The following MARK1 variants were observed in gnomAD, a reference collection of about 807,000 sequenced individuals.
MARK1 encodes serine/threonine-protein kinase MARK1.
A neutral mutation model predicts 96.3 loss-of-function variants in MARK1; 40 were observed. The observed-to-expected ratio is 0.42, with a 90% CI of 0.32 to 0.54. The LOEUF is 0.54. Among genes scored for constraint, MARK1 ranks in the 20% least tolerant of loss-of-function variants. The pLI, the probability that MARK1 is intolerant of heterozygous loss-of-function variation, is 0.16. For missense variants in MARK1, 719 were observed against 984.6 expected (o/e 0.73, Z 3.61); for synonymous variants, 317 against 341.2 (o/e 0.93, Z 0.78).
At chr1:220,585,415 A>G (rs1449750208) in intron 3 of MARK1, among the ~76,000 whole-genome samples, 6 of 152,232 alleles carry the variant, frequency 3.9e-5, no homozygotes, top group East Asian at 1.9e-4. Context: ...AAATATCAAC[A>G]GTTTAAATGT....
intron 3 of MARK1, among the ~76,000 whole-genome samples, chr1:220,594,982 G>A (rs754413439): frequency 5.9e-5 from 9 of 152,290 alleles, no homozygotes; most frequent in Non-Finnish European, 1.3e-4. Flanking sequence ...AGTAGCAAGA[G>A]TGAACAGTAA....
At chr1:220,614,056 G>A (rs1272790175) in intron 6 of MARK1, among the ~76,000 whole-genome samples, 1 of 152,056 alleles carries the variant, frequency 6.6e-6, no homozygotes, top group Non-Finnish European at 1.5e-5. Context: ...TATCCAGGTT[G>A]GTGTGCAGTG....
At chr1:220,656,743 A>T (rs1220976682) in intron 16 of MARK1, among the ~76,000 whole-genome samples, 1 of 152,224 alleles carries the variant, frequency 6.6e-6, no homozygotes, top group African/African-American at 2.4e-5. Context: ...ATTACATTTG[A>T]ATGTGAGAAT....
intron 1 of MARK1, among the ~76,000 whole-genome samples, chr1:220,546,655 G>T (rs936132907): frequency 2.0e-5 from 3 of 152,180 alleles, no homozygotes; most frequent in African/African-American, 7.2e-5. Flanking sequence ...TAAAGATAGT[G>T]TCCAGCCTGC....
chr1:220,617,979 T>C (rs928671680), intron 7 of MARK1, among the ~76,000 whole-genome samples: 7 of 152,244 alleles, frequency 4.6e-5, no homozygotes, highest in African/African-American at 1.7e-4. Flanking sequence ...TAGGTCATAT[T>C]AAGGTACGCT....
chr1:220,570,859 G>A (rs1663401096), intron 1 of MARK1, among the ~76,000 whole-genome samples: 1 of 152,144 alleles, frequency 6.6e-6, no homozygotes, highest in Non-Finnish European at 1.5e-5. Context: ...GGGCAGGCAG[G>A]AACATATGGT....
In MARK1 at chr1:220,528,313, G is replaced by A. The variant is rs1183105350; in HGVS notation, c.-510G>A. On this transcript the variant is annotated 5_prime_UTR_variant, in exon 1 of 18. Transcript: ENST00000366917. ...CGGGCGCCGCCGCCGCTGGGCCCCG[G>A]GCGCGTGGATGCGGCTGGGTCGGGC... 6.6e-6 allele frequency: 1 copy of A among 151,692 alleles called. No homozygotes were observed. Among genetic ancestry groups the A allele is most frequent in the Non-Finnish European group, 1.5e-5 (1 of 67,964 alleles). 9.4% of individuals were successfully genotyped at this position (151,692 alleles called of 1,614,324 possible). A position where few individuals can be genotyped will look rare whatever the true frequency, so the allele number is the denominator to read the frequency against.
At chr1:220,549,342 G>T (rs1661709418) in intron 1 of MARK1, among the ~76,000 whole-genome samples, 1 of 152,274 alleles carries the variant, frequency 6.6e-6, no homozygotes, top group African/African-American at 2.4e-5. Flanking sequence ...AGCGCCCTTA[G>T]AACAGTACCT....
At chr1:220,556,577 C>G (rs1343714092) in intron 1 of MARK1, among the ~76,000 whole-genome samples, 1 of 150,212 alleles carries the variant, frequency 6.7e-6, no homozygotes, top group African/African-American at 2.4e-5. Context: ...GTAGTAATAC[C>G]ACCCTAAGAA....
At chr1:220,592,681 T>G (rs1233080557) in intron 3 of MARK1, among the ~76,000 whole-genome samples, 2 of 152,226 alleles carry the variant, frequency 1.3e-5, no homozygotes, top group African/African-American at 4.8e-5. Context: ...AATTAATATA[T>G]AAACTATTTC....
rs1438384948 is a variant in MARK1, at chr1:220,618,562, TTTA to T, written c.789+20_789+22del. On this transcript the variant is annotated intron_variant, in intron 8 of 17. Transcript: ENST00000366917. This position sits in a 1 kb window ranked among gnomAD's most constrained non-coding sequence, Gnocchi z 4.6. ...GAATTTAAAGGTATCAGCTAAATTCTTTATTAATGTTTTATCCCCAAGTATGAT... is the reference window on the plus strand; with the variant it reads ...GAATTTAAAGGTATCAGCTAAATTCTTTAATGTTTTATCCCCAAGTATGAT... 1 of 1,613,238 alleles carries T rather than the reference TTTA, an allele frequency of 6.2e-7. No homozygotes were observed. The highest frequency in any genetic ancestry group is 8.5e-7 in the Non-Finnish European group (1 of 1,179,652).
chr1:220,546,225 A>T (rs577178841), intron 1 of MARK1, among the ~76,000 whole-genome samples: 2 of 152,318 alleles, frequency 1.3e-5, no homozygotes, highest in African/African-American at 4.8e-5. Context: ...TCTTGAGTAA[A>T]GTTTTCCTTA....
chr1:220,578,874 G>T (rs773714567), intron 1 of MARK1, among the ~76,000 whole-genome samples: 1 of 151,884 alleles, frequency 6.6e-6, no homozygotes, highest in African/African-American at 2.4e-5. Context: ...ATGGAGTCCC[G>T]CTCTGTCACC....
intron 13 of MARK1, among the ~76,000 whole-genome samples, chr1:220,649,480 A>C (rs1572234300): frequency 1.3e-5 from 2 of 151,998 alleles, no homozygotes; most frequent in South Asian, 4.1e-4. Flanking sequence ...CTGCCCTCCT[A>C]GGCCTCCCAA....
Position 220,635,819 on chromosome 1 carries a change from T to TA in MARK1, c.1277-7dup, listed in dbSNP as rs769607245. Reference sequence around the variant, plus strand: ...GTTTTTCAGCTCATTATGCTATTTTTAAAAAAATTATAGCTGGTCCATCCA... The same window carrying TA: ...GTTTTTCAGCTCATTATGCTATTTTTAAAAAAAATTATAGCTGGTCCATCCA... On this transcript the variant is annotated splice_polypyrimidine_tract_variant and intron_variant, in intron 12 of 17. Transcript: ENST00000366917. 4 of 1,551,240 alleles carry TA rather than the reference T, an allele frequency of 2.6e-6. No individual in the cohort carries two copies. Among genetic ancestry groups the TA allele is most frequent in the South Asian group, 1.2e-5 (1 of 80,754 alleles).
intron 1 of MARK1, among the ~76,000 whole-genome samples, chr1:220,556,307 T>A (rs1662240957): frequency 6.6e-6 from 1 of 152,068 alleles, no homozygotes; most frequent in Admixed American, 6.6e-5. Context: ...GGGGAGACAC[T>A]TAAACTTAAA....
At chr1:220,585,582 A>G (rs767677530) in intron 3 of MARK1, among the ~76,000 whole-genome samples, 5 of 152,172 alleles carry the variant, frequency 3.3e-5, no homozygotes, top group Non-Finnish European at 7.3e-5. Flanking sequence ...TGTGCATCCA[A>G]ATATGAAAAA....
intron 16 of MARK1, among the ~76,000 whole-genome samples, chr1:220,653,827 A>C (rs984271909): frequency 6.6e-6 from 1 of 152,096 alleles, no homozygotes; most frequent in Admixed American, 6.5e-5. Flanking sequence ...TTATCATCAA[A>C]ACATAGTAAA....
intron 16 of MARK1, 147 bp downstream of exon 16, chr1:220,653,499 A>G: frequency 1.3e-6 from 1 of 798,678 alleles, no homozygotes. Flanking sequence ...GAAGAAAAAA[A>G]TCTAGGAAGA....
Sources: gnomAD v4.1 joint callset for allele counts (sites outside exome capture counted in the v4.1 genomes callset) on GRCh38, gnomAD v4.1.1 for gene constraint, Gnocchi (gnomAD v3.1) non-coding constraint, MANE v1.5 for transcripts, NCBI Gene and HGNC (gene_info 2026-07-23, HGNC 2026-07-21) for gene names.